Variants in PSMA1 observed in about 807,000 individuals in gnomAD.
PSMA1 encodes the protein proteasome subunit alpha type-1.
Under a neutral mutation model 38.4 loss-of-function variants are expected in PSMA1, and 3 were observed. The observed-to-expected ratio is 0.08, with a 90% CI of 0.04 to 0.20. The LOEUF is 0.20. Among genes scored for constraint, PSMA1 ranks in the 10% least tolerant of loss-of-function variants. The pLI, the probability that PSMA1 is intolerant of heterozygous loss-of-function variation, is 1.00. For synonymous variants in PSMA1, 101 were observed against 107.1 expected, an observed-to-expected ratio of 0.94 and a Z score of 0.35; for missense variants, 227 against 325.3, an observed-to-expected ratio of 0.70 and a Z score of 2.32.
chr11:14,575,742 C>T (rs1201933034), intron 2 of PSMA1, among the ~76,000 whole-genome samples: 3 of 152,140 alleles, frequency 2.0e-5, no homozygotes, highest in Non-Finnish European at 4.4e-5. Context: ...GTCTTTATAG[C>T]AGCATGATTT....
At chr11:14,518,083 ATT>A in intron 2 of PSMA1, 102 bp from the exon 3 acceptor site, 3 of 776,378 alleles carry the variant, frequency 3.9e-6, no homozygotes, top group Non-Finnish European at 5.8e-6. Flanking sequence ...ATCTCAACTG[ATT>A]TTTTTTTTAA....
chr11:14,509,375 A>G (rs1248101417), intron 8 of PSMA1, among the ~76,000 whole-genome samples: 1 of 151,664 alleles, frequency 6.6e-6, no homozygotes. Flanking sequence ...TTGAACCACT[A>G]CTCTTCATCT....
At chr11:14,514,835 G>A (rs1237873728) in intron 4 of PSMA1, among the ~76,000 whole-genome samples, 2 of 152,056 alleles carry the variant, frequency 1.3e-5, no homozygotes, top group Non-Finnish European at 2.9e-5. Flanking sequence ...TCTAGATCTC[G>A]AACCAGCAAA....
At chr11:14,581,976 T>G (rs1267382441) in intron 2 of PSMA1, among the ~76,000 whole-genome samples, 2 of 152,184 alleles carry the variant, frequency 1.3e-5, no homozygotes, top group Non-Finnish European at 2.9e-5. Context: ...TTAGCCCAAA[T>G]TGGATCACGT....
At chr11:14,582,214 G>A (rs1473340390) in intron 2 of PSMA1, among the ~76,000 whole-genome samples, 2 of 152,162 alleles carry the variant, frequency 1.3e-5, no homozygotes, top group South Asian at 2.1e-4. Context: ...TATTTAGAAT[G>A]AGAAAATAAA....
chr11:14,560,258 C>G (rs1851993510), intron 2 of PSMA1, among the ~76,000 whole-genome samples: 1 of 152,220 alleles, frequency 6.6e-6, no homozygotes. Context: ...GTTCCAGGAA[C>G]AGTTCCTCCA....
intron 2 of PSMA1, among the ~76,000 whole-genome samples, chr11:14,573,572 A>T (rs1852175190): frequency 6.6e-6 from 1 of 152,206 alleles, no homozygotes; most frequent in Non-Finnish European, 1.5e-5. Context: ...AATGGGCAAA[A>T]ACTGGAAGCA....
At chr11:14,615,453 T>C (rs1221500149) in intron 1 of PSMA1, among the ~76,000 whole-genome samples, 2 of 152,200 alleles carry the variant, frequency 1.3e-5, no homozygotes, top group Non-Finnish European at 2.9e-5. Flanking sequence ...ATTGTAATAT[T>C]TTCCTACATC....
At chr11:14,507,024 G>T (rs1055753268) in intron 9 of PSMA1, among the ~76,000 whole-genome samples, 3 of 152,162 alleles carry the variant, frequency 2.0e-5, no homozygotes, top group African/African-American at 7.2e-5. Flanking sequence ...GAGATCCCAG[G>T]TGAGACCAGC....
intron 2 of PSMA1, among the ~76,000 whole-genome samples, chr11:14,581,535 T>C (rs758590391): frequency 7.9e-5 from 12 of 152,166 alleles, no homozygotes; most frequent in South Asian, 2.1e-4. Flanking sequence ...TCAGTAAGTG[T>C]TATCTATGTT....
intron 2 of PSMA1, among the ~76,000 whole-genome samples, chr11:14,599,936 C>G (rs901395360): frequency 6.6e-6 from 1 of 152,118 alleles, no homozygotes; most frequent in Non-Finnish European, 1.5e-5. Context: ...GTGTAGATGA[C>G]CTTTTTGTTG....
chr11:14,619,693 C>T (rs936010850), intron 1 of PSMA1, among the ~76,000 whole-genome samples: 15 of 151,940 alleles, frequency 9.9e-5, no homozygotes, highest in African/African-American at 3.1e-4. Context: ...TGATGTCTAA[C>T]GGGCAAAATA....
At chr11:14,526,324 T>C (rs1325098860) in intron 2 of PSMA1, among the ~76,000 whole-genome samples, 57 of 152,184 alleles carry the variant, frequency 3.7e-4, no homozygotes, top group Non-Finnish European at 1.5e-4. Flanking sequence ...CCACACTAGC[T>C]CTCCCTGACT....
intron 1 of PSMA1, among the ~76,000 whole-genome samples, chr11:14,634,560 G>T (rs1195927767): frequency 6.6e-6 from 1 of 151,494 alleles, no homozygotes; most frequent in Admixed American, 6.6e-5. Context: ...GCCCAGGCTA[G>T]TCTTGAACTC....
intron 2 of PSMA1, among the ~76,000 whole-genome samples, chr11:14,588,966 A>C (rs972744731): frequency 6.6e-6 from 1 of 152,114 alleles, no homozygotes; most frequent in African/African-American, 2.4e-5. Context: ...ATCTTCTGGC[A>C]CTTCACTTCT....
chr11:14,615,657 A>C (rs1275852721), intron 1 of PSMA1, among the ~76,000 whole-genome samples: 2 of 152,140 alleles, frequency 1.3e-5, no homozygotes, highest in Non-Finnish European at 2.9e-5. Flanking sequence ...TTTGTAAATA[A>C]ATTCCTTATT....
chr11:14,545,300 T>G (rs986496319), intron 2 of PSMA1, among the ~76,000 whole-genome samples: 1 of 152,232 alleles, frequency 6.6e-6, no homozygotes, highest in African/African-American at 2.4e-5. Flanking sequence ...TTTAATTATT[T>G]TATTTTTAAA....
At chr11:14,625,141 T>C (rs545897899) in intron 1 of PSMA1, among the ~76,000 whole-genome samples, 1 of 152,300 alleles carries the variant, frequency 6.6e-6, no homozygotes, top group Admixed American at 6.5e-5. Flanking sequence ...AGGTGGACTG[T>C]GGCAATCAAG....
chr11:14,571,219 C>T (rs558429918), intron 2 of PSMA1, among the ~76,000 whole-genome samples: 29 of 152,282 alleles, frequency 1.9e-4, no homozygotes, highest in Non-Finnish European at 3.1e-4. Flanking sequence ...CCCACCACCA[C>T]GCCCGGCTAA....
Sources: gnomAD v4.1 joint callset for allele counts (sites outside exome capture counted in the v4.1 genomes callset) on GRCh38, gnomAD v4.1.1 for gene constraint, MANE v1.5 for transcripts, NCBI Gene and HGNC (gene_info 2026-07-23, HGNC 2026-07-21) for gene names.